Variants in PCDHA13 observed in about 807,000 individuals in gnomAD.
PCDHA13 encodes protocadherin alpha-13.
In PCDHA13, 54 loss-of-function variants were observed where a neutral mutation model predicts 64.8. The ratio of observed to expected loss-of-function variants is 0.83; its 90% confidence interval spans 0.67 to 1.04. The LOEUF (loss-of-function observed/expected upper bound fraction) is 1.04. PCDHA13 is among the 50% of genes least tolerant of loss of function. PCDHA13 has a pLI of 0.00. For missense variants in PCDHA13, 1,248 were observed against 1,254.3 expected (o/e 0.99, Z 0.08); for synonymous variants, 587 against 564.4 (o/e 1.04, Z -0.57).
intron 1 of PCDHA13, chr5:140,968,830 C>G: frequency 6.2e-7 from 1 of 1,614,198 alleles, no homozygotes; most frequent in Non-Finnish European, 8.5e-7. Context: ...CCAAAATCCT[C>G]CCTGACACTC....
intron 1 of PCDHA13, among the ~76,000 whole-genome samples, chr5:140,975,996 C>G (rs923472287): frequency 4.6e-5 from 7 of 152,064 alleles, no homozygotes; most frequent in African/African-American, 1.7e-4. Flanking sequence ...GAGGTACCAT[C>G]TAAGTATTAA....
intron 1 of PCDHA13, among the ~76,000 whole-genome samples, chr5:140,908,385 G>A (rs1318647483): frequency 6.6e-6 from 1 of 152,222 alleles, no homozygotes. Context: ...GCTCGAGCCC[G>A]ATCACATATA....
intron 1 of PCDHA13, among the ~76,000 whole-genome samples, chr5:140,887,248 C>T (rs1232310514): frequency 6.6e-6 from 1 of 152,046 alleles, no homozygotes; most frequent in Non-Finnish European, 1.5e-5. Flanking sequence ...CGGCGCCCGC[C>T]ACCACGCCCT....
intron 1 of PCDHA13, among the ~76,000 whole-genome samples, chr5:140,909,861 A>C (rs782745985): frequency 6.6e-6 from 1 of 152,186 alleles, no homozygotes. Context: ...GGTCCCCTGG[A>C]GTCAACGTCA....
At chr5:140,997,668 T>TTGTGTGTGTGTGTGTGTG (rs35184029) in intron 3 of PCDHA13, among the ~76,000 whole-genome samples, 77 of 148,344 alleles carry the variant, frequency 5.2e-4, no homozygotes, top group African/African-American at 1.8e-3. Context: ...ATTATACAGC[T>TTGTGTGTGTGTGTGTGTG]TGTGTGTGTG....
rs1313419888 is a variant in PCDHA13 at position 140,882,607 on chromosome 5, T to C, written c.339T>C (p.Pro113=). The change falls in exon 1 of 4, where the codon CCT becomes CCC. Residue 113 remains proline (P), a synonymous_variant. Coordinates refer to ENST00000289272, the MANE Select transcript of PCDHA13 (RefSeq NM_018904.3). ...ACCTGGAGGTGATCGTGGACAGGCC[T>C]CTGCAGGTTTTCCATGTGGAGGTGA... is the stretch of plus-strand genomic sequence containing the variant. ...SIHLEVIVDR[P]LQVFHVEVKV... is the part of the protein sequence containing the mutation. 35 of 1,614,242 alleles carry C rather than the reference T, an allele frequency of 2.2e-5. No individual in the cohort carries two copies. The highest frequency in any genetic ancestry group is 3.0e-5 in the Non-Finnish European group (35 of 1,180,042).
In PCDHA13 at chr5:140,882,259, G is replaced by A. The variant is rs1554173247; in HGVS notation, c.-10G>A. ...TATTGCAGATAGCTCTGAGGTTTTT[G>A]GAGTGTACCATGCTGTCTTCCTGGC... On this transcript the variant is annotated 5_prime_UTR_variant, in exon 1 of 4. Coordinates refer to ENST00000289272, the MANE Select transcript of PCDHA13 (RefSeq NM_018904.3). 6.2e-7 allele frequency: 1 copy of A among 1,603,126 alleles called. No individual in the cohort carries two copies. Among genetic ancestry groups the A allele is most frequent in the Non-Finnish European group, 8.5e-7 (1 of 1,173,892 alleles).
intron 1 of PCDHA13, chr5:140,968,057 C>T (rs781959040): frequency 1.5e-5 from 24 of 1,613,992 alleles, no homozygotes; most frequent in East Asian, 6.7e-5. Context: ...GGACCGAGAG[C>T]GGGTGGCTGT....
chr5:140,980,360 G>A (rs1173525969), intron 2 of PCDHA13, among the ~76,000 whole-genome samples: 4 of 152,142 alleles, frequency 2.6e-5, no homozygotes, highest in Middle Eastern at 3.2e-3. Context: ...GACTGGGCGC[G>A]GTGGCTCACA....
chr5:140,943,129 G>T (rs2093422146), intron 1 of PCDHA13, among the ~76,000 whole-genome samples: 1 of 151,684 alleles, frequency 6.6e-6, no homozygotes, highest in South Asian at 2.1e-4. Flanking sequence ...GTGGTAGTGG[G>T]TGCCTGTAGT....
intron 1 of PCDHA13, among the ~76,000 whole-genome samples, chr5:140,957,326 C>G (rs2095350528): frequency 6.6e-6 from 1 of 152,118 alleles, no homozygotes; most frequent in African/African-American, 2.4e-5. Context: ...GAGCACAGTA[C>G]AGTAAGATAT....
intron 1 of PCDHA13, among the ~76,000 whole-genome samples, chr5:140,965,644 G>A (rs201197561): frequency 6.6e-6 from 1 of 152,028 alleles, no homozygotes; most frequent in African/African-American, 2.4e-5. Flanking sequence ...AATTACTCTT[G>A]AAAGAAAATG....
intron 1 of PCDHA13, among the ~76,000 whole-genome samples, chr5:140,950,482 T>C (rs1384931498): frequency 6.6e-6 from 1 of 152,106 alleles, no homozygotes; most frequent in African/African-American, 2.4e-5. Flanking sequence ...TGATGAGAAG[T>C]GTGTAGTCAT....
chr5:141,010,233 G>C lies in PCDHA13; in HGVS notation c.*296G>C, dbSNP rs1156230400. ...AAGGAGAGGCTTCCCAGCCCCGCCA[G>C]TGAGAGGTTGGACTCTCTGCCCTGT... On this transcript the variant is annotated 3_prime_UTR_variant, in exon 4 of 4. Transcript: ENST00000289272. 1.9e-6 allele frequency: 3 copies of C among 1,551,812 alleles called. No homozygotes were observed. The highest frequency in any genetic ancestry group is 2.6e-6 in the Non-Finnish European group (3 of 1,147,042).
At chr5:140,902,560 G>A (rs558432897) in intron 1 of PCDHA13, among the ~76,000 whole-genome samples, 1 of 151,954 alleles carries the variant, frequency 6.6e-6, no homozygotes, top group African/African-American at 2.4e-5. Flanking sequence ...CCAGATTTTT[G>A]AGGGTTTTTA....
intron 1 of PCDHA13, among the ~76,000 whole-genome samples, chr5:140,907,440 C>T (rs781836409): frequency 4.6e-5 from 7 of 152,222 alleles, no homozygotes; most frequent in Non-Finnish European, 1.0e-4. Flanking sequence ...TGTGAGTCCA[C>T]AGATGGTAAT....
chr5:140,939,466 AT>A (rs1364092543), intron 1 of PCDHA13, among the ~76,000 whole-genome samples: 31 of 152,168 alleles, frequency 2.0e-4, no homozygotes, highest in African/African-American at 7.5e-4. Flanking sequence ...TAGGCCTAGA[AT>A]TCTCTTCATG....
chr5:140,999,505 A>C (rs1221080631), intron 3 of PCDHA13, among the ~76,000 whole-genome samples: 3 of 152,134 alleles, frequency 2.0e-5, no homozygotes, highest in African/African-American at 7.2e-5. Flanking sequence ...AAGAACCTAC[A>C]TTTTAAGCAT....
chr5:141,003,453 A>T (rs2098125483), intron 3 of PCDHA13, among the ~76,000 whole-genome samples: 1 of 152,126 alleles, frequency 6.6e-6, no homozygotes, highest in East Asian at 1.9e-4. Flanking sequence ...ATGAAATTAC[A>T]GGCGTGCACC....
Sources: gnomAD v4.1 joint callset for allele counts (sites outside exome capture counted in the v4.1 genomes callset) on GRCh38, gnomAD v4.1.1 for gene constraint, MANE v1.5 for transcripts, NCBI Gene and HGNC (gene_info 2026-07-23, HGNC 2026-07-21) for gene names.